The following TRPM3 variants were observed in gnomAD, a reference collection of about 807,000 sequenced individuals.
The protein encoded by TRPM3 is long transient receptor potential channel 3.
Under a neutral mutation model 181.2 loss-of-function variants are expected in TRPM3, and 77 were observed. The observed-to-expected ratio is 0.42, with a 90% CI of 0.35 to 0.51. The LOEUF (loss-of-function observed/expected upper bound fraction) is 0.51. Among genes scored for constraint, TRPM3 ranks in the 20% least tolerant of loss-of-function variants. The pLI is 0.01. For missense variants in TRPM3, 1,759 were observed against 2,196.7 expected, an observed-to-expected ratio of 0.80 and a Z score of 3.98; for synonymous variants, 745 against 796.4, an observed-to-expected ratio of 0.94 and a Z score of 1.09.
At chr9:71,138,697 A>T (rs2074919449) in intron 1 of TRPM3, among the ~76,000 whole-genome samples, 1 of 152,196 alleles carries the variant, frequency 6.6e-6, no homozygotes, top group African/African-American at 2.4e-5. Context: ...ATATGTCTGG[A>T]TTACAATCCC....
intron 9 of TRPM3, among the ~76,000 whole-genome samples, chr9:70,662,532 T>A (rs563147791): frequency 6.6e-6 from 1 of 151,858 alleles, no homozygotes; most frequent in South Asian, 2.1e-4. Context: ...TACAAGGAAC[T>A]CAAATCAGCA....
rs562635281 is a variant in TRPM3 at position 70,885,028 on chromosome 9, G to A, written c.178-20517C>T. ...AGTTTCTCAGAGTTGGCCTCCTGAC[G>A]TCTACTTGCAATGTGCCCAACCCCC... On this transcript the variant is annotated intron_variant, in intron 1 of 25. Coordinates refer to ENST00000677713, the MANE Select transcript of TRPM3 (RefSeq NM_001366145.2). Among the ~76,000 whole-genome samples, 9 of 152,196 alleles carry A rather than the reference G, an allele frequency of 5.9e-5. No individual in the cohort carries two copies. In the South Asian group the frequency reaches 1.0e-3, roughly 18 times the overall value.
chr9:71,322,421 A>G (rs1034654729), intron 1 of TRPM3, among the ~76,000 whole-genome samples: 2 of 152,184 alleles, frequency 1.3e-5, no homozygotes, highest in Non-Finnish European at 2.9e-5. Context: ...ATGAAAGGTC[A>G]TTAAGCATCT....
chr9:70,743,853 T>C (rs1267649944), intron 8 of TRPM3, among the ~76,000 whole-genome samples: 2 of 152,310 alleles, frequency 1.3e-5, no homozygotes, highest in Non-Finnish European at 2.9e-5. Context: ...ATATTTTATT[T>C]TTATTTAATT....
intron 1 of TRPM3, among the ~76,000 whole-genome samples, chr9:71,069,114 T>A (rs1327644776): frequency 6.6e-6 from 1 of 152,190 alleles, no homozygotes; most frequent in Non-Finnish European, 1.5e-5. Context: ...TATGAAAGAA[T>A]GAGGAAGCTG....
At position 70,619,017 on chromosome 9, in the gene TRPM3, C is replaced by T. The variant is rs139079542; in HGVS notation, c.2208G>A (p.Thr736=). Reference sequence around the variant, plus strand: ...CGTTGCTCCAGTTCTTCAGCTCATACGTCAGCAGTTTCATGGCCAGCTGTT... The same window carrying T: ...CGTTGCTCCAGTTCTTCAGCTCATATGTCAGCAGTTTCATGGCCAGCTGTT... ...QDEQLAMKLL[T]YELKNWSNAT... is the part of the protein sequence containing the mutation. Residue 736 remains threonine, a synonymous_variant, in exon 17 of 26, where the codon ACG becomes ACA. Transcript: ENST00000677713. 2,659 of 1,614,194 alleles carry T rather than the reference C, an allele frequency of 1.6e-3. 17 individuals are homozygous for T. Among genetic ancestry groups the T allele is most frequent in the Non-Finnish European group, 1.0e-3 (1,179 of 1,180,026 alleles).
chr9:71,294,430 C>T (rs146794153), intron 1 of TRPM3, among the ~76,000 whole-genome samples: 5 of 152,164 alleles, frequency 3.3e-5, no homozygotes, highest in Non-Finnish European at 5.9e-5. Flanking sequence ...TACCATTTCA[C>T]ACCTGCCAGA....
At chr9:71,327,893 T>C (rs1457600561) in intron 1 of TRPM3, among the ~76,000 whole-genome samples, 1 of 152,112 alleles carries the variant, frequency 6.6e-6, no homozygotes, top group Non-Finnish European at 1.5e-5. Flanking sequence ...CAACTATGTG[T>C]GGTACTTGGC....
At chr9:71,238,031 G>GC (rs1168038008) in intron 1 of TRPM3, among the ~76,000 whole-genome samples, 1 of 152,166 alleles carries the variant, frequency 6.6e-6, no homozygotes, top group Non-Finnish European at 1.5e-5. Flanking sequence ...AGAGGGTACA[G>GC]CGTGTATCTG....
intron 20 of TRPM3, 76 bp from the exon 21 acceptor site, chr9:70,598,746 C>G: frequency 6.5e-7 from 1 of 1,540,420 alleles, no homozygotes; most frequent in Non-Finnish European, 8.8e-7. Flanking sequence ...AGTGCTTGGT[C>G]TGTTGGCTGA....
At chr9:70,963,213 G>T (rs1197539908) in intron 1 of TRPM3, among the ~76,000 whole-genome samples, 1 of 152,164 alleles carries the variant, frequency 6.6e-6, no homozygotes, top group Non-Finnish European at 1.5e-5. Flanking sequence ...AAGGATAAAA[G>T]AGTCATCTTT....
intron 6 of TRPM3, among the ~76,000 whole-genome samples, chr9:70,786,237 G>A (rs1324117570): frequency 1.3e-5 from 2 of 148,836 alleles, no homozygotes; most frequent in Non-Finnish European, 3.0e-5. Flanking sequence ...GGCCAAGGTG[G>A]GCGGATCACC....
intron 1 of TRPM3, among the ~76,000 whole-genome samples, chr9:71,262,521 G>A (rs1211988883): frequency 6.6e-6 from 1 of 152,128 alleles, no homozygotes; most frequent in South Asian, 2.1e-4. Flanking sequence ...CCAAGGGAGT[G>A]AACAGTTCTA....
chr9:70,619,169 C>T (rs543808719), intron 16 of TRPM3, 74 bp from the exon 17 acceptor site: 22 of 1,296,560 alleles, frequency 1.7e-5, no homozygotes, highest in South Asian at 5.2e-5. Flanking sequence ...GACCTGCTGG[C>T]CAACCAGAAA....
chr9:70,890,177 G>A (rs1187186602), intron 1 of TRPM3, among the ~76,000 whole-genome samples: 3 of 150,814 alleles, frequency 2.0e-5, no homozygotes, highest in East Asian at 1.9e-4. Context: ...TGGAAGAAGA[G>A]AGACTATAAC....
chr9:70,751,569 G>T (rs2076138176), intron 8 of TRPM3, among the ~76,000 whole-genome samples: 1 of 152,142 alleles, frequency 6.6e-6, no homozygotes, highest in Non-Finnish European at 1.5e-5. Context: ...CATTATGGAT[G>T]AAAGTAATGA....
At chr9:70,764,969 A>G (rs954297436) in intron 7 of TRPM3, among the ~76,000 whole-genome samples, 2 of 152,208 alleles carry the variant, frequency 1.3e-5, no homozygotes, top group African/African-American at 4.8e-5. Context: ...AAGATCCCAC[A>G]AAACATTTGA....
chr9:71,418,790 TC>T lies in TRPM3; in HGVS notation c.183+27862del, dbSNP rs756438717. On this transcript the variant is annotated intron_variant, in intron 1 of 24. Transcript: ENST00000357533. ...ATATACTATATATAGAGTATATACA[TC>T]CTTTGAGATACTATATATATACTAT... is the stretch of plus-strand genomic sequence containing the variant. Among the ~76,000 whole-genome samples the T allele has an allele frequency of 1.5e-4, 18 of 117,798 alleles. No homozygotes were observed. In the East Asian group the frequency reaches 3.5e-3, roughly 23 times the overall value. 77.3% of individuals were successfully genotyped at this position (117,798 alleles called of 152,430 possible).
At chr9:70,577,005 G>A (rs111980740) in intron 22 of TRPM3, among the ~76,000 whole-genome samples, 98 of 152,068 alleles carry the variant, frequency 6.4e-4, no homozygotes, top group African/African-American at 2.1e-3. Flanking sequence ...AAGCCCTTTC[G>A]CTGACCATTC....
Sources: allele counts gnomAD v4.1 joint callset (sites outside exome capture counted in the v4.1 genomes callset), GRCh38; gene constraint gnomAD v4.1.1; transcripts MANE v1.5; gene names NCBI Gene and HGNC (gene_info 2026-07-23, HGNC 2026-07-21).